Variants in ZC3HC1 observed in about 807,000 individuals in gnomAD.
ZC3HC1 encodes the protein zinc finger C3HC-type protein 1.
ZC3HC1 carries 38 observed loss-of-function variants against 61.9 expected under a neutral mutation model. The ratio of observed to expected loss-of-function variants is 0.61; its 90% CI spans 0.47 to 0.81. The LOEUF (loss-of-function observed/expected upper bound fraction) is 0.81. ZC3HC1 is among the 30% of genes least tolerant of loss of function. The pLI is 0.00. For synonymous variants in ZC3HC1, 213 were observed against 229.9 expected, an observed-to-expected ratio of 0.93 and a Z score of 0.67; for missense variants, 554 against 622.7, an observed-to-expected ratio of 0.89 and a Z score of 1.17.
chr7:130,029,912 A>C (rs1794101496), intron 4 of ZC3HC1, among the ~76,000 whole-genome samples: 1 of 152,234 alleles, frequency 6.6e-6, no homozygotes, highest in African/African-American at 2.4e-5. Flanking sequence ...TTGCATTGTA[A>C]GGTGAAGCTT....
At chr7:130,048,215 T>A (rs1197754166) in intron 2 of ZC3HC1, among the ~76,000 whole-genome samples, 6 of 146,846 alleles carry the variant, frequency 4.1e-5, no homozygotes, top group African/African-American at 1.5e-4. Context: ...AGTGGCGCGA[T>A]CTCGACTCAC....
chr7:130,028,621 G>C (rs943594812), intron 5 of ZC3HC1, among the ~76,000 whole-genome samples: 1 of 152,100 alleles, frequency 6.6e-6, no homozygotes, highest in Non-Finnish European at 1.5e-5. Flanking sequence ...GGGCAAACTT[G>C]AATCTATGCT....
Position 130,022,501 on chromosome 7 carries a change from C to G in ZC3HC1, c.1258G>C (p.Asp420His). ...CAGTCTCTATGCTGAGAGGTGGGAT[C>G]AAAGAAGCTTCGGGAAGATGTGTCC... ...SSDTSSRSFF[D>H]PTSQHRDWCP... Residue 420 changes from aspartate to histidine, a missense_variant, in exon 9 of 10, where the codon GAT (aspartate) becomes CAT (histidine). By Grantham distance (81) the Asp-to-His change is moderately conservative. Transcript: ENST00000358303. 1 of 1,613,700 alleles carries G rather than the reference C, an allele frequency of 6.2e-7. No individual in the cohort carries two copies. The highest frequency in any genetic ancestry group is 8.5e-7 in the Non-Finnish European group (1 of 1,179,862).
intron 5 of ZC3HC1, chr7:130,027,001 A>G (rs1266858790): frequency 6.6e-6 from 1 of 151,474 alleles, no homozygotes; most frequent in East Asian, 1.9e-4. Context: ...TTAAAGAAAA[A>G]AAAATTTTAG....
chr7:130,021,996 GA>G (rs1479871984), intron 9 of ZC3HC1, among the ~76,000 whole-genome samples: 6 of 152,014 alleles, frequency 3.9e-5, no homozygotes, highest in African/African-American at 1.4e-4. Context: ...CCAACATGGT[GA>G]AACCCTGTCT....
rs182114389 is a variant in ZC3HC1 at position 130,030,426 on chromosome 7, T to C, written c.494-1397A>G. Among the ~76,000 whole-genome samples the C allele has an allele frequency of 6.4e-3, 968 of 152,160 alleles. 8 individuals carry two copies. Among genetic ancestry groups the C allele is most frequent in the African/African-American group, 0.022 (916 of 41,528 alleles). ...TGTTGGCCAGGCTGATCTTTAACTC[T>C]TGGCCTCAGGTGATCCACCCACCTT... On this transcript the variant is annotated intron_variant, in intron 4 of 9. Transcript: ENST00000358303.
intron 2 of ZC3HC1, among the ~76,000 whole-genome samples, chr7:130,047,898 G>C: frequency 6.6e-6 from 1 of 152,274 alleles, no homozygotes; most frequent in South Asian, 2.1e-4. Flanking sequence ...TCACTTTTGA[G>C]ATTAGATTAC....
intron 4 of ZC3HC1, 52 bp from the exon 5 acceptor site, chr7:130,029,081 A>C: frequency 6.4e-7 from 1 of 1,562,068 alleles, no homozygotes; most frequent in Non-Finnish European, 8.7e-7. Flanking sequence ...GTAAAAAATA[A>C]AAAACACGGC....
intron 4 of ZC3HC1, among the ~76,000 whole-genome samples, chr7:130,038,444 T>C (rs1794506637): frequency 1.3e-5 from 2 of 152,222 alleles, no homozygotes; most frequent in African/African-American, 4.8e-5. Flanking sequence ...GAAACCTAGG[T>C]AGAACATGGC....
upstream of ZC3HC1, chr7:130,051,408 T>C (rs761704514): frequency 6.2e-7 from 1 of 1,609,866 alleles, no homozygotes; most frequent in South Asian, 1.1e-5. Context: ...GTTTGAAGGC[T>C]CCGGAACTTC....
intron 2 of ZC3HC1, among the ~76,000 whole-genome samples, chr7:130,048,151 T>C (rs920508732): frequency 6.9e-6 from 1 of 144,314 alleles, no homozygotes; most frequent in Non-Finnish European, 1.5e-5. Flanking sequence ...TTGTTTTTTT[T>C]TTTTTTTTTT....
intron 4 of ZC3HC1, among the ~76,000 whole-genome samples, chr7:130,033,625 T>C (rs1195786643): frequency 2.0e-5 from 3 of 151,954 alleles, no homozygotes; most frequent in African/African-American, 7.3e-5. Flanking sequence ...GCTTGTTTTT[T>C]GTATTTGCAA....
Position 130,024,419 on chromosome 7 carries a change from T to C in ZC3HC1, c.864A>G (p.Glu288=). Residue 288 remains glutamate, a synonymous_variant, in exon 7 of 10, where the codon GAA becomes GAG. Coordinates refer to ENST00000358303, the MANE Select transcript of ZC3HC1 (RefSeq NM_016478.5). ...KVGLWGFQQI[E]SSMTDLDASF... The stretch of plus-strand genomic sequence containing the variant: ...ATGCATCCAGGTCAGTCATGGACGA[T>C]TCAATCTGCTGGAAGCCCCAGAGCC... 1 of 1,614,096 alleles carries C rather than the reference T, an allele frequency of 6.2e-7. No individual in the cohort carries two copies. The highest frequency in any genetic ancestry group is 8.5e-7 in the Non-Finnish European group (1 of 1,180,012).
intron 1 of ZC3HC1, among the ~76,000 whole-genome samples, chr7:130,050,820 A>G (rs945260720): frequency 2.0e-5 from 3 of 152,208 alleles, no homozygotes; most frequent in Admixed American, 6.5e-5. Context: ...ATTCCAATCT[A>G]ACTGGTTTCC....
intron 2 of ZC3HC1, among the ~76,000 whole-genome samples, chr7:130,042,655 T>G (rs1311064410): frequency 1.3e-5 from 2 of 152,184 alleles, no homozygotes; most frequent in African/African-American, 4.8e-5. Flanking sequence ...TTATTACTCC[T>G]TAATATTAAA....
In ZC3HC1 at chr7:130,041,115, G is replaced by C; in HGVS notation, c.259-14C>G. On this transcript the variant is annotated splice_polypyrimidine_tract_variant and intron_variant, in intron 2 of 9. Coordinates refer to ENST00000358303, the MANE Select transcript of ZC3HC1 (RefSeq NM_016478.5). ...CCATTTCAAAGAGTATCCATGTTAAGAAAAACAACACAGCAAATATATATA... is the reference window on the plus strand; with the variant it reads ...CCATTTCAAAGAGTATCCATGTTAACAAAAACAACACAGCAAATATATATA... 1 of 1,605,816 alleles carries C rather than the reference G, an allele frequency of 6.2e-7. No individual in the cohort carries two copies. Among genetic ancestry groups the C allele is most frequent in the Non-Finnish European group, 8.5e-7 (1 of 1,177,750 alleles).
At chr7:130,045,329 C>A (rs769131254) in intron 2 of ZC3HC1, 5 of 242,786 alleles carry the variant, frequency 2.1e-5, no homozygotes, top group Admixed American at 4.5e-5. Flanking sequence ...GTAAGTCTTT[C>A]TGTCCTTGCA....
chr7:130,019,398 A>G (rs1461022771), intron 9 of ZC3HC1, among the ~76,000 whole-genome samples: 1 of 152,106 alleles, frequency 6.6e-6, no homozygotes, highest in Non-Finnish European at 1.5e-5. Flanking sequence ...TTCATTATTT[A>G]TTGTGAATAA....
intron 4 of ZC3HC1, among the ~76,000 whole-genome samples, chr7:130,035,616 G>C (rs2116726247): frequency 1.3e-5 from 2 of 152,080 alleles, no homozygotes; most frequent in South Asian, 4.2e-4. Context: ...CTAGTAGCTG[G>C]GATTACAGGC....
Sources: allele counts gnomAD v4.1 joint callset (sites outside exome capture counted in the v4.1 genomes callset), GRCh38; gene constraint gnomAD v4.1.1; transcripts MANE v1.5; gene names NCBI Gene and HGNC (gene_info 2026-07-23, HGNC 2026-07-21).